NSUN3: variants seen among roughly 807,000 people sequenced by gnomAD.
The protein encoded by NSUN3 is NOP2/Sun RNA methyltransferase 3, also known as tRNA (cytosine(34)-C(5))-methyltransferase, mitochondrial.
NSUN3 carries 24 observed loss-of-function variants against 36.8 expected under a neutral mutation model. The ratio of observed to expected loss-of-function variants is 0.65; its 90% CI spans 0.47 to 0.92. The LOEUF is 0.92. Among genes scored for constraint, NSUN3 ranks in the 40% least tolerant of loss-of-function variants. NSUN3 has a pLI of 0.00. For synonymous variants in NSUN3, 146 were observed against 145.2 expected (o/e 1.01, Z -0.04); for missense variants, 381 against 392.8 (o/e 0.97, Z 0.25).
chr3:94,097,408 A>T (rs1365716694), intron 5 of NSUN3, among the ~76,000 whole-genome samples: 1 of 151,206 alleles, frequency 6.6e-6, no homozygotes, highest in Non-Finnish European at 1.5e-5. Flanking sequence ...TTCCATGTAG[A>T]TCTACTTTGT....
intron 5 of NSUN3, among the ~76,000 whole-genome samples, chr3:94,098,814 C>A (rs999442723): frequency 1.3e-5 from 2 of 152,186 alleles, no homozygotes; most frequent in African/African-American, 2.4e-5. Flanking sequence ...CGTCTCCTTA[C>A]TGAAGCCTTG....
chr3:94,082,925 C>A (rs748630594), intron 2 of NSUN3, among the ~76,000 whole-genome samples: 16 of 152,130 alleles, frequency 1.1e-4, no homozygotes, highest in Non-Finnish European at 2.1e-4. Flanking sequence ...GTTTTCCATA[C>A]CTTTTATCTT....
At chr3:94,095,853 T>C (rs891586799) in intron 5 of NSUN3, among the ~76,000 whole-genome samples, 7 of 151,864 alleles carry the variant, frequency 4.6e-5, no homozygotes, top group African/African-American at 1.5e-4. Context: ...TTCAAGCTAT[T>C]CTCCTGCCTC....
chr3:94,101,414 GT>G (rs1256929764), intron 5 of NSUN3, among the ~76,000 whole-genome samples: 3 of 151,700 alleles, frequency 2.0e-5, no homozygotes, highest in Middle Eastern at 3.4e-3. Flanking sequence ...TAGTTTTCTG[GT>G]TTTTTTTAAC....
At chr3:94,093,672 G>T (rs553208086) in intron 3 of NSUN3, among the ~76,000 whole-genome samples, 1 of 152,290 alleles carries the variant, frequency 6.6e-6, no homozygotes, top group South Asian at 2.1e-4. Flanking sequence ...GGTTCCTGTG[G>T]GACAGGAAGC....
chr3:94,098,766 C>T (rs939116958), intron 5 of NSUN3, among the ~76,000 whole-genome samples: 1 of 152,142 alleles, frequency 6.6e-6, no homozygotes, highest in African/African-American at 2.4e-5. Flanking sequence ...TCCCTTTCTC[C>T]TGGCAAACTC....
chr3:94,064,112 G>C (rs1441876998), intron 1 of NSUN3: 1 of 239,222 alleles, frequency 4.2e-6, no homozygotes. Context: ...CTCCCACAGT[G>C]CTGGGATTAC....
At chr3:94,102,439 C>T (rs1189088908) in intron 5 of NSUN3, among the ~76,000 whole-genome samples, 1 of 152,116 alleles carries the variant, frequency 6.6e-6, no homozygotes, top group Non-Finnish European at 1.5e-5. Flanking sequence ...TTTAATAATT[C>T]AGTTCATGTC....
chr3:94,114,132 T>C (rs2077429732), intron 5 of NSUN3, among the ~76,000 whole-genome samples: 1 of 152,240 alleles, frequency 6.6e-6, no homozygotes. Flanking sequence ...ATTTTTTACC[T>C]TCAATGGGTA....
At chr3:94,095,529 T>C (rs1272072945) in intron 5 of NSUN3, among the ~76,000 whole-genome samples, 1 of 152,202 alleles carries the variant, frequency 6.6e-6, no homozygotes, top group Non-Finnish European at 1.5e-5. Flanking sequence ...TGTTTTGTTA[T>C]TGTTCTGGAT....
At position 94,084,156 on chromosome 3, in the gene NSUN3, C is replaced by T. The variant is rs199659889; in HGVS notation, c.172C>T (p.Arg58Ter). Residue 58 changes from arginine (R) to a stop codon, truncating the protein, a stop_gained, in exon 3 of 6, where the codon CGA becomes TGA. Coordinates refer to ENST00000314622, the MANE Select transcript of NSUN3 (RefSeq NM_022072.5). LOFTEE classifies it high-confidence loss of function. ...SCWQYAVLLN[R>*]FNYPFELEKD... ...CTGGCAATATGCTGTCCTGCTTAACCGATTCAATTATCCTTTTGAACTGGA... is the reference window on the plus strand; with the variant it reads ...CTGGCAATATGCTGTCCTGCTTAACTGATTCAATTATCCTTTTGAACTGGA... 2.0e-5 allele frequency: 32 copies of T among 1,613,998 alleles called. No homozygotes were observed. The highest frequency in any genetic ancestry group is 9.3e-5 in the African/African-American group (7 of 74,914).
At position 94,129,960 on chromosome 3, in the gene NSUN3, TG is replaced by T. The variant is rs1272865113; in HGVS notation, c.*3472del. On this transcript the variant is annotated 3_prime_UTR_variant, in exon 6 of 6. Transcript: ENST00000314622. ...TAGTAAAGATGGGGTTCCACCATCT[TG>T]GCCAGGTTGATCTTGAACTCCTGAC... is the stretch of plus-strand genomic sequence containing the variant. 6.6e-6 allele frequency among the ~76,000 whole-genome samples: 1 copy of T among 152,014 alleles called. No individual in the cohort carries two copies. The highest frequency in any genetic ancestry group is 1.5e-5 in the Non-Finnish European group (1 of 68,000).
intron 5 of NSUN3, among the ~76,000 whole-genome samples, chr3:94,102,214 A>C (rs1158271833): frequency 1.3e-5 from 2 of 151,122 alleles, no homozygotes; most frequent in East Asian, 1.9e-4. Flanking sequence ...AAAAAAAAAA[A>C]AAAAAAAAAA....
At chr3:94,084,633 T>C in intron 3 of NSUN3, 183 bp downstream of exon 3, 1 of 501,818 alleles carries the variant, frequency 2.0e-6, no homozygotes, top group East Asian at 3.1e-5. Flanking sequence ...TAACATTTTT[T>C]TCAGCAATTT....
intron 5 of NSUN3, among the ~76,000 whole-genome samples, chr3:94,102,942 A>G (rs2077371918): frequency 6.6e-6 from 1 of 152,050 alleles, no homozygotes; most frequent in Admixed American, 6.6e-5. Flanking sequence ...GCTGGAGTGC[A>G]GTGGCATGAT....
chr3:94,095,396 T>C (rs563838507), intron 5 of NSUN3, among the ~76,000 whole-genome samples: 80 of 152,326 alleles, frequency 5.3e-4, no homozygotes, highest in Admixed American at 3.7e-3. Flanking sequence ...TTAAAGGGCA[T>C]AGGCAATTTT....
intron 5 of NSUN3, among the ~76,000 whole-genome samples, chr3:94,101,724 T>C (rs2077366912): frequency 6.6e-6 from 1 of 152,226 alleles, no homozygotes; most frequent in Non-Finnish European, 1.5e-5. Context: ...TTTCTCAAAA[T>C]AATTTTTGAG....
At chr3:94,122,151 TAAA>T (rs753343062) in intron 5 of NSUN3, among the ~76,000 whole-genome samples, 17 of 57,034 alleles carry the variant, frequency 3.0e-4, no homozygotes, top group East Asian at 1.1e-3. Flanking sequence ...TCCCCCCACC[TAAA>T]AAAAAAAAAA....
chr3:94,128,554 CGTGTGTGTGTGTGTGT>C lies in NSUN3; in HGVS notation c.*2079_*2094del, dbSNP rs10576077. 7.2e-6 allele frequency: 1 copy of C among 138,308 alleles called. No homozygotes were observed. The highest frequency in any genetic ancestry group is 1.5e-5 in the Non-Finnish European group (1 of 64,570). 8.6% of individuals were successfully genotyped at this position (138,308 alleles called of 1,614,324 possible). A position where few individuals can be genotyped will look rare whatever the true frequency, so the allele number is the denominator to read the frequency against. On this transcript the variant is annotated 3_prime_UTR_variant, in exon 6 of 6. Coordinates refer to ENST00000314622, the MANE Select transcript of NSUN3 (RefSeq NM_022072.5). The stretch of plus-strand genomic sequence containing the variant: ...CTATGATTACTGAAAAATGGATGCA[CGTGTGTGTGTGTGTGT>C]GTGTGTGTGTGTGTATATATATATA...
Sources: allele counts gnomAD v4.1 joint callset (sites outside exome capture counted in the v4.1 genomes callset), GRCh38; gene constraint gnomAD v4.1.1; transcripts MANE v1.5; gene names NCBI Gene and HGNC (gene_info 2026-07-23, HGNC 2026-07-21).